NRXN3: variants seen among roughly 807,000 people sequenced by gnomAD.
The protein encoded by NRXN3 is neurexin III.
NRXN3 carries 32 observed loss-of-function variants against 137.6 expected under a neutral mutation model. That is an observed-to-expected ratio of 0.23 (90% CI 0.18 to 0.31). The LOEUF (loss-of-function observed/expected upper bound fraction) is 0.31, where lower values mean the gene tolerates loss of function less well. NRXN3 is among the 10% of genes least tolerant of loss of function. NRXN3 has a pLI of 1.00. For missense variants in NRXN3, 1,574 were observed against 2,062.5 expected, an observed-to-expected ratio of 0.76 and a Z score of 4.59; for synonymous variants, 798 against 784.5, an observed-to-expected ratio of 1.02 and a Z score of -0.29.
intron 16 of NRXN3, among the ~76,000 whole-genome samples, chr14:79,617,532 C>G (rs2098170492): frequency 6.6e-6 from 1 of 152,092 alleles, no homozygotes; most frequent in Non-Finnish European, 1.5e-5. Flanking sequence ...CTTCTGTAGT[C>G]AATGGCAAAT....
intron 15 of NRXN3, among the ~76,000 whole-genome samples, chr14:79,037,484 T>A (rs2099618029): frequency 6.6e-6 from 1 of 152,108 alleles, no homozygotes; most frequent in East Asian, 1.9e-4. Flanking sequence ...ATAAAAGGGA[T>A]GATTTCTGGT....
chr14:78,644,279 T>C (rs2097665156), intron 4 of NRXN3, among the ~76,000 whole-genome samples: 1 of 152,064 alleles, frequency 6.6e-6, no homozygotes, highest in African/African-American at 2.4e-5. Context: ...TGAAATATTG[T>C]CTTGAAAGAG....
At chr14:79,588,400 T>C (rs1008319887) in intron 16 of NRXN3, among the ~76,000 whole-genome samples, 4 of 152,208 alleles carry the variant, frequency 2.6e-5, no homozygotes, top group Non-Finnish European at 5.9e-5. Context: ...TAGTTTTTCA[T>C]GTCAGTAGTA....
At chr14:78,434,047 T>C (rs57069943) in intron 4 of NRXN3, among the ~76,000 whole-genome samples, 39,161 of 152,132 alleles carry the variant, frequency 0.26, 7,459 homozygotes, top group African/African-American at 0.52. Flanking sequence ...AGAACCCTTA[T>C]GTTACCTTAC....
intron 15 of NRXN3, among the ~76,000 whole-genome samples, chr14:79,029,967 C>G (rs1008727546): frequency 1.3e-5 from 2 of 151,852 alleles, no homozygotes; most frequent in Non-Finnish European, 2.9e-5. Context: ...CTGTCTTAGC[C>G]CCCCCAAGTA....
At chr14:79,594,170 A>G (rs955512023) in intron 16 of NRXN3, among the ~76,000 whole-genome samples, 2 of 152,218 alleles carry the variant, frequency 1.3e-5, no homozygotes, top group African/African-American at 4.8e-5. Context: ...ACATCCTTCT[A>G]AGCATGAAAG....
intron 4 of NRXN3, among the ~76,000 whole-genome samples, chr14:78,406,282 G>T (rs2092478456): frequency 6.6e-6 from 1 of 152,204 alleles, no homozygotes; most frequent in Non-Finnish European, 1.5e-5. Context: ...GGATATTTCT[G>T]TCTTGTGTCT....
chr14:79,072,750 C>T (rs2099689586), intron 15 of NRXN3, among the ~76,000 whole-genome samples: 2 of 152,050 alleles, frequency 1.3e-5, no homozygotes, highest in South Asian at 2.1e-4. Flanking sequence ...GTTATTGTTG[C>T]TGGATTGAAG....
chr14:78,259,910 C>T (rs2070395673), intron 2 of NRXN3, among the ~76,000 whole-genome samples: 1 of 152,142 alleles, frequency 6.6e-6, no homozygotes, highest in Admixed American at 6.5e-5. Flanking sequence ...GGAGGAGGGG[C>T]AACGCCTTCA....
chr14:79,168,280 A>G (rs1471664840), intron 15 of NRXN3, among the ~76,000 whole-genome samples: 3 of 152,064 alleles, frequency 2.0e-5, no homozygotes, highest in African/African-American at 7.2e-5. Flanking sequence ...CTTTCTTGCC[A>G]TCTACTTGAC....
At chr14:79,651,394 C>T (rs77845481) in intron 16 of NRXN3, among the ~76,000 whole-genome samples, 2,436 of 152,236 alleles carry the variant, frequency 0.016, 75 homozygotes, top group African/African-American at 0.055. Context: ...GCACTATGCA[C>T]TTGTCTTGCT....
chr14:78,584,262 G>A (rs2097036104), intron 4 of NRXN3, among the ~76,000 whole-genome samples: 1 of 152,148 alleles, frequency 6.6e-6, no homozygotes, highest in Non-Finnish European at 1.5e-5. Context: ...ATTCATATAA[G>A]AGCCATACTG....
chr14:79,250,798 A>T (rs1036298677), intron 15 of NRXN3, among the ~76,000 whole-genome samples: 1 of 152,228 alleles, frequency 6.6e-6, no homozygotes, highest in Non-Finnish European at 1.5e-5. Flanking sequence ...ATCCAATTTC[A>T]TGCAGTGGTG....
chr14:78,631,545 G>A (rs745823807), intron 4 of NRXN3, among the ~76,000 whole-genome samples: 3 of 152,312 alleles, frequency 2.0e-5, no homozygotes, highest in Middle Eastern at 3.4e-3. Flanking sequence ...CATAGGAAAT[G>A]TAAATTATCC....
intron 17 of NRXN3, among the ~76,000 whole-genome samples, chr14:79,676,198 C>T (rs2098639837): frequency 6.6e-6 from 1 of 151,998 alleles, no homozygotes; most frequent in African/African-American, 2.4e-5. Context: ...TTAGAGGTGG[C>T]TCAGCCCACT....
At chr14:79,034,386 T>G (rs192359115) in intron 15 of NRXN3, among the ~76,000 whole-genome samples, 5 of 71,978 alleles carry the variant, frequency 6.9e-5, no homozygotes, top group Non-Finnish European at 1.2e-4. Context: ...ACAGGTTTTT[T>G]GGAAAAAAAA....
intron 16 of NRXN3, among the ~76,000 whole-genome samples, chr14:79,506,929 C>T (rs988112497): frequency 3.3e-5 from 5 of 152,108 alleles, no homozygotes; most frequent in Admixed American, 6.6e-5. Flanking sequence ...TCTTTCCTGC[C>T]TAATCTGACC....
intron 4 of NRXN3, among the ~76,000 whole-genome samples, chr14:78,495,138 C>CGTGTGTGTGT (rs3036593): frequency 1.4e-5 from 2 of 140,234 alleles, no homozygotes; most frequent in East Asian, 2.1e-4. Context: ...TGTGTGCGTG[C>CGTGTGTGTGT]GTGTGTGTGT....
chr14:79,650,120 C>T (rs2098469166), intron 16 of NRXN3, among the ~76,000 whole-genome samples: 1 of 152,104 alleles, frequency 6.6e-6, no homozygotes. Flanking sequence ...TGCTTGCTTG[C>T]TTGCTTGCTT....
Sources: gnomAD v4.1 joint callset for allele counts (sites outside exome capture counted in the v4.1 genomes callset) on GRCh38, gnomAD v4.1.1 for gene constraint, MANE v1.5 for transcripts, NCBI Gene and HGNC (gene_info 2026-07-23, HGNC 2026-07-21) for gene names.